Variants in ZPBP observed in about 807,000 individuals in gnomAD.
ZPBP encodes zona pellucida-binding protein 1.
Under a neutral mutation model 44.8 loss-of-function variants are expected in ZPBP, and 26 were observed. The observed-to-expected ratio is 0.58, with a 90% CI of 0.43 to 0.81. The LOEUF is 0.81. ZPBP is among the 30% of genes least tolerant of loss of function. The probability of loss-of-function intolerance (pLI) is 0.00; values close to 1 mark genes in which losing one functional copy is unlikely to be tolerated. For missense variants in ZPBP, 409 were observed against 434.0 expected, an observed-to-expected ratio of 0.94 and a Z score of 0.51; for synonymous variants, 174 against 153.2, an observed-to-expected ratio of 1.14 and a Z score of -1.00.
At chr7:49,971,828 AC>A (rs780228935) in intron 7 of ZPBP, among the ~76,000 whole-genome samples, 21 of 152,110 alleles carry the variant, frequency 1.4e-4, no homozygotes, top group Admixed American at 2.6e-4. Context: ...CCTTATTATT[AC>A]TGATCCAAAA....
At chr7:49,913,289 T>C (rs1164790275) in intron 1 of ZPBP, 1 of 152,220 alleles carries the variant, frequency 6.6e-6, no homozygotes, top group East Asian at 1.9e-4. Flanking sequence ...CCTATAGTTA[T>C]AATTCCAAAC....
At chr7:49,978,559 C>G (rs949547254) in intron 7 of ZPBP, among the ~76,000 whole-genome samples, 1 of 151,966 alleles carries the variant, frequency 6.6e-6, no homozygotes, top group African/African-American at 2.4e-5. Context: ...TCCCTTATGT[C>G]ATAAAATGCT....
chr7:49,842,065 A>G, the ZPBP span, among the ~76,000 whole-genome samples: 1 of 152,150 alleles, frequency 6.6e-6, no homozygotes, highest in Non-Finnish European at 1.5e-5. Flanking sequence ...ACGAGGTTTC[A>G]CCATGTTGCC....
At chr7:49,870,280 G>T (rs962372610) in intron 2 of ZPBP, among the ~76,000 whole-genome samples, 3 of 152,120 alleles carry the variant, frequency 2.0e-5, no homozygotes, top group Admixed American at 6.5e-5. Flanking sequence ...GGCGCCTGTA[G>T]TCCCAGCTAC....
chr7:50,065,898 C>G (rs1308164983), intron 3 of ZPBP, among the ~76,000 whole-genome samples: 3 of 151,002 alleles, frequency 2.0e-5, no homozygotes, highest in African/African-American at 7.4e-5. Flanking sequence ...TGCTGTCTGT[C>G]CTGTAGACCA....
chr7:50,021,281 A>G (rs931167025), intron 5 of ZPBP, among the ~76,000 whole-genome samples: 3 of 152,092 alleles, frequency 2.0e-5, no homozygotes, highest in South Asian at 4.1e-4. Flanking sequence ...AGAACTAAAT[A>G]GGGAAAATGA....
chr7:50,017,691 T>C (rs1219975805), intron 6 of ZPBP, among the ~76,000 whole-genome samples: 1 of 152,118 alleles, frequency 6.6e-6, no homozygotes, highest in Non-Finnish European at 1.5e-5. Flanking sequence ...AATATTACTG[T>C]TTACAATGTG....
intron 4 of ZPBP, among the ~76,000 whole-genome samples, chr7:50,050,760 G>A (rs1800647612): frequency 8.4e-6 from 1 of 118,966 alleles, no homozygotes; most frequent in South Asian, 2.8e-4. Flanking sequence ...CTGCACTCCA[G>A]CCTGGACGAC....
At chr7:50,034,321 C>A (rs1000633485) in intron 4 of ZPBP, among the ~76,000 whole-genome samples, 1 of 151,986 alleles carries the variant, frequency 6.6e-6, no homozygotes, top group African/African-American at 2.4e-5. Context: ...ATCAAAACTG[C>A]TTTTCCTAAA....
intron 6 of ZPBP, among the ~76,000 whole-genome samples, chr7:50,004,692 A>G (rs1798230086): frequency 6.6e-6 from 1 of 152,210 alleles, no homozygotes; most frequent in Admixed American, 6.5e-5. Flanking sequence ...AGCAGAATCA[A>G]TGAGGCAGAA....
intron 5 of ZPBP, among the ~76,000 whole-genome samples, chr7:50,027,878 T>A (rs1799412579): frequency 6.6e-6 from 1 of 151,868 alleles, no homozygotes; most frequent in South Asian, 2.1e-4. Flanking sequence ...ACAGAAAATA[T>A]GAATAGGTCT....
intron 1 of ZPBP, chr7:49,915,010 C>G (rs1793640945): frequency 6.6e-6 from 1 of 152,204 alleles, no homozygotes. Flanking sequence ...AAATTTTCAA[C>G]CCATATTTAG....
At chr7:49,946,492 T>A (rs1035161302) in intron 7 of ZPBP, among the ~76,000 whole-genome samples, 1 of 152,152 alleles carries the variant, frequency 6.6e-6, no homozygotes, top group Non-Finnish European at 1.5e-5. Context: ...TTTTTCTTTT[T>A]TTTCCTTCAG....
chr7:50,061,653 G>T (rs1030268206), intron 3 of ZPBP, among the ~76,000 whole-genome samples: 9 of 152,296 alleles, frequency 5.9e-5, no homozygotes, highest in Non-Finnish European at 8.8e-5. Flanking sequence ...GACAGAGCAG[G>T]AGCACCATCA....
Position 50,060,255 on chromosome 7 carries a change from G to A in ZPBP, c.335-2114C>T, listed in dbSNP as rs1234969028. Among the ~76,000 whole-genome samples, 4 of 151,118 alleles carry A rather than the reference G, an allele frequency of 2.6e-5. No homozygotes were observed. The East Asian group carries it at 7.7e-4, about 29-fold the overall frequency. Reference sequence around the variant, plus strand: ...CATGGAACCCAGAGCATTTGCCATGGGACCTGCTGCAGTGGAGCATGGCCA... The same window carrying A: ...CATGGAACCCAGAGCATTTGCCATGAGACCTGCTGCAGTGGAGCATGGCCA... On this transcript the variant is annotated intron_variant, in intron 3 of 7. Coordinates refer to ENST00000046087, the MANE Select transcript of ZPBP (RefSeq NM_007009.3).
At chr7:50,008,780 T>A (rs1371499911) in intron 6 of ZPBP, among the ~76,000 whole-genome samples, 2 of 152,046 alleles carry the variant, frequency 1.3e-5, no homozygotes, top group Non-Finnish European at 2.9e-5. Context: ...ATGAATGCCT[T>A]CCCCATCGCT....
Position 50,031,093 on chromosome 7 carries a change from T to A in ZPBP, c.705A>T (p.Ser235=), listed in dbSNP as rs1325650551. 1 of 1,613,108 alleles carries A rather than the reference T, an allele frequency of 6.2e-7. No individual in the cohort carries two copies. The highest frequency in any genetic ancestry group is 8.5e-7 in the Non-Finnish European group (1 of 1,179,680). The part of the protein sequence containing the change: ...GLQNELFFAF[S]VSSLDTEKGP... ...TTCTAACAAATTGTATAGACTTACC[T>A]GAAAATGCAAAGAACAATTCATTTT... is the stretch of plus-strand genomic sequence containing the variant. Residue 235 remains serine, a splice_region_variant and synonymous_variant, in exon 5 of 8, where the codon TCA becomes TCT. Coordinates refer to ENST00000046087, the MANE Select transcript of ZPBP (RefSeq NM_007009.3).
At chr7:49,940,922 A>G (rs1455771054) in intron 7 of ZPBP, among the ~76,000 whole-genome samples, 1 of 152,158 alleles carries the variant, frequency 6.6e-6, no homozygotes, top group Non-Finnish European at 1.5e-5. Flanking sequence ...GAAAAATATA[A>G]CATAACATGT....
chr7:50,048,694 A>G (rs145548328), intron 4 of ZPBP, among the ~76,000 whole-genome samples: 9 of 152,192 alleles, frequency 5.9e-5, no homozygotes, highest in Non-Finnish European at 1.0e-4. Flanking sequence ...CAGCACGTAG[A>G]GGGAAATAAT....
Sources: allele counts gnomAD v4.1 joint callset (sites outside exome capture counted in the v4.1 genomes callset), GRCh38; gene constraint gnomAD v4.1.1; transcripts MANE v1.5; gene names NCBI Gene and HGNC (gene_info 2026-07-23, HGNC 2026-07-21).